SNX10: variants seen among roughly 807,000 people sequenced by gnomAD.
The protein encoded by SNX10 is sorting nexin-10.
A neutral mutation model predicts 28.5 loss-of-function variants in SNX10; 25 were observed. That is an observed-to-expected ratio of 0.88 (90% CI 0.64 to 1.22). The LOEUF is 1.22. Among genes scored for constraint, SNX10 ranks in the 50% most tolerant of loss-of-function variants. The pLI is 0.00. For synonymous variants in SNX10, 62 were observed against 81.4 expected (o/e 0.76, Z 1.28); for missense variants, 223 against 242.6 (o/e 0.92, Z 0.54).
rs35527687 is a variant in SNX10 at position 26,358,805 on chromosome 7, G to GTTTTTTTTTTTTTTTTT, written c.25-2167_25-2151dup. On this transcript the variant is annotated intron_variant, in intron 2 of 6. Transcript: ENST00000338523. The stretch of plus-strand genomic sequence containing the variant: ...GAGCATCACTATAGTGTTATCTTGT[G>GTTTTTTTTTTTTTTTTT]TTTTTTTTTTTTTTTTTTTGACCAA... 4.0e-3 allele frequency among the ~76,000 whole-genome samples: 401 copies of GTTTTTTTTTTTTTTTTT among 100,058 alleles called. 45 individuals carry two copies. Among genetic ancestry groups the GTTTTTTTTTTTTTTTTT allele is most frequent in the African/African-American group, 0.016 (367 of 22,652 alleles). 65.6% of individuals were successfully genotyped at this position (100,058 alleles called of 152,430 possible).
At chr7:26,333,073 T>A (rs564436598) in intron 1 of SNX10, among the ~76,000 whole-genome samples, 1 of 152,300 alleles carries the variant, frequency 6.6e-6, no homozygotes, top group South Asian at 2.1e-4. Context: ...GCAATTCCTA[T>A]GAATTTTAAA....
At position 26,364,751 on chromosome 7, in the gene SNX10, A is replaced by C; in HGVS notation, c.212+116A>C. Reference sequence around the variant, plus strand: ...TTTTATAGGCTTTTGCCTTGATTACAATATGTAGCTTTAGTTTCTTAGCTA... The same window carrying C: ...TTTTATAGGCTTTTGCCTTGATTACCATATGTAGCTTTAGTTTCTTAGCTA... On this transcript the variant is annotated intron_variant, in intron 4 of 6. Transcript: ENST00000338523. The surrounding 1 kb of genome is among the most constrained non-coding windows in gnomAD (Gnocchi z 4.9). The C allele has an allele frequency of 2.7e-6, 2 of 731,344 alleles. No homozygotes were observed. The highest frequency in any genetic ancestry group is 5.4e-5 in the East Asian group (2 of 36,942). 45.3% of individuals were successfully genotyped at this position (731,344 alleles called of 1,614,324 possible).
intron 2 of SNX10, among the ~76,000 whole-genome samples, chr7:26,359,599 G>C (rs1788982594): frequency 6.6e-6 from 1 of 152,004 alleles, no homozygotes; most frequent in Admixed American, 6.5e-5. Context: ...ATAGTTTTTT[G>C]CTGTACATTT....
At chr7:26,335,486 C>G (rs1011869861) in intron 1 of SNX10, among the ~76,000 whole-genome samples, 10 of 152,130 alleles carry the variant, frequency 6.6e-5, no homozygotes, top group African/African-American at 9.7e-5. Flanking sequence ...TGACTTCTTT[C>G]GAGTCAGACA....
At chr7:26,372,056 AATGTAT>A in intron 6 of SNX10, 23 bp downstream of exon 6, 1 of 1,453,278 alleles carries the variant, frequency 6.9e-7, no homozygotes, top group Non-Finnish European at 9.6e-7. Context: ...ATTTTGATTT[AATGTAT>A]ATGTATTTAT....
intron 2 of SNX10, 80 bp downstream of exon 2, chr7:26,346,546 A>G: frequency 9.3e-7 from 1 of 1,076,224 alleles, no homozygotes; most frequent in Non-Finnish European, 1.4e-6. Context: ...CGAACCATAA[A>G]CCCATGGGTT....
intron 1 of SNX10, among the ~76,000 whole-genome samples, chr7:26,336,056 A>G (rs370658218): frequency 1.6e-4 from 25 of 152,178 alleles, no homozygotes; most frequent in African/African-American, 5.8e-4. Context: ...AGATGAAAGT[A>G]AGGAGTCAGT....
chr7:26,347,006 C>A (rs953457542), intron 2 of SNX10, among the ~76,000 whole-genome samples: 1 of 152,204 alleles, frequency 6.6e-6, no homozygotes, highest in Non-Finnish European at 1.5e-5. Flanking sequence ...GGCTGAGTGT[C>A]CCTCCTTTGG....
chr7:26,335,735 C>CTTTTTTTTTTTTTTTTTTTT lies in SNX10; in HGVS notation c.-23-10678_-23-10659dup, dbSNP rs57340085. Among the ~76,000 whole-genome samples, 11 of 84,252 alleles carry CTTTTTTTTTTTTTTTTTTTT rather than the reference C, an allele frequency of 1.3e-4. 1 individual carries two copies. The highest frequency in any genetic ancestry group is 2.1e-4 in the Non-Finnish European group (9 of 43,314). 55.3% of individuals were successfully genotyped at this position (84,252 alleles called of 152,430 possible). On this transcript the variant is annotated intron_variant, in intron 1 of 6. Transcript: ENST00000338523. Reference sequence around the variant, plus strand: ...AAAATAACCTCGCAGATGGAATATTCTTTTTTTTTTTTTTTTTTTTTTTTT... The same window carrying CTTTTTTTTTTTTTTTTTTTT: ...AAAATAACCTCGCAGATGGAATATTCTTTTTTTTTTTTTTTTTTTTTTTTTTTTTTTTTTTTTTTTTTTTT...
Position 26,364,301 on chromosome 7 carries a change from G to A in SNX10, c.112-234G>A. 1 of 1,227,468 alleles carries A rather than the reference G, an allele frequency of 8.1e-7. No individual in the cohort carries two copies. Among genetic ancestry groups the A allele is most frequent in the Non-Finnish European group, 1.0e-6 (1 of 981,610 alleles). The allele number at this position is 1,227,468 out of a possible 1,614,324, so 76.0% of individuals were successfully genotyped here. On this transcript the variant is annotated intron_variant, in intron 3 of 6. Coordinates refer to ENST00000338523, the MANE Select transcript of SNX10 (RefSeq NM_013322.3). This position sits in a 1 kb window ranked among gnomAD's most constrained non-coding sequence, Gnocchi z 4.9. ...TCCTTCAGGATGCAGGGAGTGGCCA[G>A]GTCATACCTCACCCTGGGGCAACAC...
chr7:26,350,415 T>C (rs1345543638), intron 2 of SNX10, among the ~76,000 whole-genome samples: 1 of 152,160 alleles, frequency 6.6e-6, no homozygotes, highest in East Asian at 1.9e-4. Context: ...CTAAGGTTAA[T>C]ATTAATATGT....
At chr7:26,353,883 T>A (rs200441066) in intron 2 of SNX10, among the ~76,000 whole-genome samples, 1 of 152,072 alleles carries the variant, frequency 6.6e-6, no homozygotes, top group African/African-American at 2.4e-5. Context: ...TACTTTGAAA[T>A]AGGAAAAAAA....
At chr7:26,367,174 A>G (rs895026820) in intron 5 of SNX10, among the ~76,000 whole-genome samples, 3 of 152,178 alleles carry the variant, frequency 2.0e-5, no homozygotes, top group Admixed American at 6.5e-5. Context: ...GACTTGAAAA[A>G]AACTCTAAAA....
rs1159916386 is a variant in SNX10, at chr7:26,308,850, C to T, written c.-24+16764C>T. 4.6e-5 allele frequency among the ~76,000 whole-genome samples: 7 copies of T among 152,044 alleles called. No homozygotes were observed. The East Asian group carries it at 1.3e-3, about 29-fold the overall frequency. ...CTCAACCTCTGGGATCTGATAATGT[C>T]CCCAGGTAGGTAGGGTCAGAATTGA... On this transcript the variant is annotated intron_variant, in intron 1 of 6. Transcript: ENST00000338523.
At chr7:26,297,919 C>A (rs1172333935) in intron 1 of SNX10, among the ~76,000 whole-genome samples, 1 of 151,960 alleles carries the variant, frequency 6.6e-6, no homozygotes, top group Non-Finnish European at 1.5e-5. Flanking sequence ...TATATTAATA[C>A]CATAAACAAA....
rs1374723351 is a variant in SNX10, at chr7:26,365,094, A to G, written c.260A>G (p.Asn87Ser). ...AAAAACCTGTTTTTCAACATGAACAATCGCCAGCACGTGGATCAGCGTCGC... is the reference window on the plus strand; with the variant it reads ...AAAAACCTGTTTTTCAACATGAACAGTCGCCAGCACGTGGATCAGCGTCGC... ...PSKNLFFNMN[N>S]RQHVDQRRQG... Residue 87 changes from asparagine (N) to serine (S), a missense_variant, in exon 5 of 7, where the codon AAT (asparagine) becomes AGT (serine). Coordinates refer to ENST00000338523, the MANE Select transcript of SNX10 (RefSeq NM_013322.3). The G allele has an allele frequency of 9.3e-6, 15 of 1,613,466 alleles. No individual in the cohort carries two copies. The highest frequency in any genetic ancestry group is 1.7e-5 in the Admixed American group (1 of 60,020).
At chr7:26,349,519 G>A (rs6946704) in intron 2 of SNX10, among the ~76,000 whole-genome samples, 4,800 of 152,206 alleles carry the variant, frequency 0.032, 242 homozygotes, top group African/African-American at 0.11. Context: ...AGCAGTATCC[G>A]AGCTGATGGA....
chr7:26,339,850 C>CT (rs34466986), intron 1 of SNX10, among the ~76,000 whole-genome samples: 24,157 of 140,200 alleles, frequency 0.17, 2,309 homozygotes, highest in South Asian at 0.41. Context: ...CCTGGCCGAT[C>CT]TTTTTTTTTT....
intron 1 of SNX10, among the ~76,000 whole-genome samples, chr7:26,335,025 G>T (rs1274788316): frequency 1.3e-5 from 2 of 152,128 alleles, no homozygotes; most frequent in African/African-American, 4.8e-5. Context: ...TCCTTTGATT[G>T]CCCAAACTGG....
Sources: allele counts gnomAD v4.1 joint callset (sites outside exome capture counted in the v4.1 genomes callset), GRCh38; gene constraint gnomAD v4.1.1; non-coding constraint Gnocchi (gnomAD v3.1); transcripts MANE v1.5; gene names NCBI Gene and HGNC (gene_info 2026-07-23, HGNC 2026-07-21).